Variants in SCN1A observed in about 807,000 individuals in gnomAD.
SCN1A encodes sodium voltage-gated channel alpha subunit 1.
In SCN1A, 13 loss-of-function variants were observed where a neutral mutation model predicts 193.7. That is an observed-to-expected ratio of 0.07 (90% CI 0.04 to 0.11). The LOEUF is 0.11. SCN1A is among the 10% of genes least tolerant of loss of function. SCN1A has a pLI of 1.00. For missense variants in SCN1A, 1,432 were observed against 2,451.1 expected, an observed-to-expected ratio of 0.58 and a Z score of 8.78; for synonymous variants, 781 against 843.6, an observed-to-expected ratio of 0.93 and a Z score of 1.29.
At chr2:166,102,736 G>C (rs1688242574) in intron 2 of SCN1A, among the ~76,000 whole-genome samples, 1 of 151,984 alleles carries the variant, frequency 6.6e-6, no homozygotes, top group Admixed American at 6.5e-5. Flanking sequence ...CTACCAAAAA[G>C]ACACATGCAC....
intron 8 of SCN1A, among the ~76,000 whole-genome samples, 186 bp from the exon 9 acceptor site, chr2:166,052,174 A>T (rs1487906393): frequency 6.6e-6 from 1 of 152,074 alleles, no homozygotes; most frequent in African/African-American, 2.4e-5. Context: ...GTAATGATTT[A>T]AACAATGAAA....
At chr2:166,019,951 T>C (rs948280629) in intron 19 of SCN1A, among the ~76,000 whole-genome samples, 8 of 149,602 alleles carry the variant, frequency 5.3e-5, no homozygotes, top group Non-Finnish European at 1.2e-4. Context: ...CGCTCTGTCG[T>C]CCACGCTGGA....
chr2:166,021,402 G>C (rs544804775), intron 19 of SCN1A, among the ~76,000 whole-genome samples: 1 of 152,244 alleles, frequency 6.6e-6, no homozygotes, highest in Admixed American at 6.5e-5. Flanking sequence ...AAGTTCACAA[G>C]TGACCGAACT....
intron 7 of SCN1A, among the ~76,000 whole-genome samples, chr2:166,054,425 C>T (rs370677540): frequency 5.9e-5 from 9 of 151,960 alleles, no homozygotes; most frequent in Admixed American, 1.3e-4. Flanking sequence ...ACTGATGCTA[C>T]GTGTGAAAAT....
At chr2:166,023,098 A>G (rs1202094784) in intron 19 of SCN1A, among the ~76,000 whole-genome samples, 1 of 152,254 alleles carries the variant, frequency 6.6e-6, no homozygotes, top group Non-Finnish European at 1.5e-5. Flanking sequence ...TTTTATAGCT[A>G]TACCTCATTA....
intron 16 of SCN1A, 146 bp downstream of exon 16, chr2:166,041,085 G>T: frequency 1.4e-6 from 1 of 696,906 alleles, no homozygotes; most frequent in Non-Finnish European, 2.5e-6. Flanking sequence ...AAAAAGTAGA[G>T]TATAGCCAGC....
intron 5 of SCN1A, among the ~76,000 whole-genome samples, chr2:166,057,059 A>G (rs1309842231): frequency 1.3e-5 from 2 of 152,098 alleles, no homozygotes; most frequent in Admixed American, 6.6e-5. Flanking sequence ...AGGATTCGAT[A>G]ACATTAAAAG....
intron 2 of SCN1A, among the ~76,000 whole-genome samples, chr2:166,082,271 T>C (rs1685607996): frequency 6.6e-6 from 1 of 152,046 alleles, no homozygotes; most frequent in Non-Finnish European, 1.5e-5. Context: ...TCAAAATAAA[T>C]ATGTCATTTG....
chr2:166,007,366 T>G (rs1691799682), intron 23 of SCN1A: 1 of 151,312 alleles, frequency 6.6e-6, no homozygotes, highest in Non-Finnish European at 1.5e-5. Flanking sequence ...GTGTTACTTT[T>G]TGTTCATGAT....
At chr2:166,097,301 A>C (rs1687500616) in intron 2 of SCN1A, among the ~76,000 whole-genome samples, 1 of 151,856 alleles carries the variant, frequency 6.6e-6, no homozygotes, top group African/African-American at 2.4e-5. Flanking sequence ...TTTTTTAACA[A>C]TTTACAAATG....
intron 19 of SCN1A, among the ~76,000 whole-genome samples, chr2:166,033,861 A>G (rs1238253303): frequency 6.6e-6 from 1 of 152,098 alleles, no homozygotes; most frequent in East Asian, 1.9e-4. Context: ...CAGATAGCAT[A>G]TGGTAGCCAT....
rs769586914 is a variant in SCN1A at position 166,039,575 on chromosome 2, C to T, written c.2437G>A (p.Ala813Thr). 3.7e-6 allele frequency: 6 copies of T among 1,613,786 alleles called. No individual in the cohort carries two copies. The highest frequency in any genetic ancestry group is 5.1e-6 in the Non-Finnish European group (6 of 1,179,830). ...GNLVFTGIFT[A>T]EMFLKIIAMD... ...GCAATAATTTTCAGAAACATTTCTG[C>T]TGTAAAGATCCCAGTGAAAACCTAA... is the stretch of plus-strand genomic sequence containing the variant. Residue 813 changes from alanine to threonine, a missense_variant, in exon 17 of 29, where the codon GCA becomes ACA. Physicochemically the swap from Ala to Thr is moderately conservative, Grantham distance 58. Coordinates refer to ENST00000674923, the MANE Select transcript of SCN1A (RefSeq NM_001165963.4).
In SCN1A at chr2:166,137,116, C is replaced by A. The variant is rs1018092934; in HGVS notation, c.-50+11931G>T. Among the ~76,000 whole-genome samples the A allele has an allele frequency of 3.3e-5, 5 of 152,148 alleles. No homozygotes were observed. In the East Asian group the frequency reaches 9.6e-4, roughly 29 times the overall value. ...AGTAGCCCTTCTTCCAGGGCTCCAG[C>A]ATTTGTTGGGCTCTGGGAATGTTTT... On this transcript the variant is annotated intron_variant, in intron 1 of 26. Transcript: ENST00000635750.
intron 2 of SCN1A, among the ~76,000 whole-genome samples, chr2:166,120,159 AT>A (rs71395206): frequency 0.2 from 30,102 of 148,246 alleles, 3,679 homozygotes; most frequent in East Asian, 0.37. Context: ...TTCTATTTAA[AT>A]TTTTTTTTTG....
rs1688593968 is a variant in SCN1A, at chr2:165,986,107, A to T, written c.*5138T>A. ...GCTAAATAAAATATTAAAACCAATG[A>T]CCCATTATCACGTATTCTCACCATC... On this transcript the variant is annotated 3_prime_UTR_variant, in exon 29 of 29. Transcript: ENST00000674923. The T allele has an allele frequency of 6.6e-6, 1 of 152,170 alleles. No individual in the cohort carries two copies. Among genetic ancestry groups the T allele is most frequent in the African/African-American group, 2.4e-5 (1 of 41,464 alleles). 9.4% of individuals were successfully genotyped at this position (152,170 alleles called of 1,614,324 possible).
At chr2:166,053,909 T>A (rs754463577) in intron 7 of SCN1A, among the ~76,000 whole-genome samples, 1 of 151,822 alleles carries the variant, frequency 6.6e-6, no homozygotes, top group Non-Finnish European at 1.5e-5. Context: ...AAAAAAAGCA[T>A]TGGGGTGCAT....
intron 2 of SCN1A, among the ~76,000 whole-genome samples, chr2:166,108,694 A>G (rs1327470764): frequency 6.6e-6 from 1 of 152,164 alleles, no homozygotes; most frequent in East Asian, 1.9e-4. Context: ...GTTAAGTGAA[A>G]GAAGAAAGTC....
intron 4 of SCN1A, among the ~76,000 whole-genome samples, chr2:166,070,794 T>G (rs1684338126): frequency 6.6e-6 from 1 of 152,248 alleles, no homozygotes; most frequent in African/African-American, 2.4e-5. Flanking sequence ...TTGGTTGTTC[T>G]GGTTTCCAGA....
At chr2:166,034,000 T>C (rs1324429029) in intron 19 of SCN1A, among the ~76,000 whole-genome samples, 4 of 152,026 alleles carry the variant, frequency 2.6e-5, no homozygotes, top group Admixed American at 6.6e-5. Flanking sequence ...TTTCAAAAAA[T>C]TAGCCTTCAT....
Sources: allele counts gnomAD v4.1 joint callset (sites outside exome capture counted in the v4.1 genomes callset), GRCh38; gene constraint gnomAD v4.1.1; transcripts MANE v1.5; gene names NCBI Gene and HGNC (gene_info 2026-07-23, HGNC 2026-07-21).